Variants in ZNF236 observed in about 807,000 individuals in gnomAD.
ZNF236 encodes the protein zinc finger protein 236.
In ZNF236, 50 loss-of-function variants were observed where a neutral mutation model predicts 191.2. That is an observed-to-expected ratio of 0.26 (90% CI 0.21 to 0.33). ZNF236 has a LOEUF of 0.33. Ranked by LOEUF, ZNF236 falls within the 10% of genes least tolerant of loss-of-function variation. ZNF236 has a pLI of 1.00. For missense variants in ZNF236, 1,754 were observed against 2,374.5 expected, an observed-to-expected ratio of 0.74 and a Z score of 5.43; for synonymous variants, 907 against 928.8, an observed-to-expected ratio of 0.98 and a Z score of 0.43.
At chr18:76,837,641 CA>C (rs1238042220) in intron 1 of ZNF236, among the ~76,000 whole-genome samples, 1 of 151,842 alleles carries the variant, frequency 6.6e-6, no homozygotes, top group Non-Finnish European at 1.5e-5. Context: ...AGGGTTTCAC[CA>C]TGTTGGCCAG....
chr18:76,916,735 G>C (rs878901365), intron 19 of ZNF236, among the ~76,000 whole-genome samples: 1 of 152,208 alleles, frequency 6.6e-6, no homozygotes, highest in Admixed American at 6.5e-5. Context: ...GCTGGTCTGA[G>C]TGTATGTGTT....
At chr18:76,894,346 AGC>A (rs1977337215) in intron 9 of ZNF236, among the ~76,000 whole-genome samples, 3 of 152,218 alleles carry the variant, frequency 2.0e-5, no homozygotes, top group African/African-American at 7.2e-5. Context: ...ACCACTCAGT[AGC>A]TGGCTTGGTT....
Position 76,910,312 on chromosome 18 carries a change from A to AT in ZNF236, c.2653+152dup, listed in dbSNP as rs905867317. The AT allele has an allele frequency of 2.5e-3, 1,667 of 671,022 alleles. 1 individual carries two copies. The highest frequency in any genetic ancestry group is 3.9e-3 in the South Asian group (161 of 41,498). 41.6% of individuals were successfully genotyped at this position (671,022 alleles called of 1,614,324 possible). ...AAATAACTTTTTGCATGCATTGTAG[A>AT]TTTTTTTTTATTGATGCATACTATT... is the stretch of plus-strand genomic sequence containing the variant. On this transcript the variant is annotated intron_variant, in intron 15 of 30. Coordinates refer to ENST00000320610, the MANE Select transcript of ZNF236 (RefSeq NM_001306089.2).
chr18:76,946,594 A>G (rs894466759), intron 26 of ZNF236, among the ~76,000 whole-genome samples: 1 of 152,216 alleles, frequency 6.6e-6, no homozygotes, highest in Non-Finnish European at 1.5e-5. Flanking sequence ...TATGTTTAGA[A>G]TCAGTGCTGA....
intron 3 of ZNF236, among the ~76,000 whole-genome samples, chr18:76,862,198 G>A (rs529698594): frequency 3.3e-5 from 5 of 152,188 alleles, no homozygotes; most frequent in East Asian, 1.9e-4. Flanking sequence ...ACCTGGACAC[G>A]GTTTTGAAGA....
chr18:76,903,757 T>A (rs1268365407), intron 11 of ZNF236, among the ~76,000 whole-genome samples: 3 of 152,092 alleles, frequency 2.0e-5, no homozygotes, highest in African/African-American at 7.2e-5. Flanking sequence ...TATTACATGG[T>A]CAACCTGAAG....
At position 76,851,885 on chromosome 18, in the gene ZNF236, A is replaced by G. The variant is rs762974599; in HGVS notation, c.309A>G (p.Lys103=). 4.3e-6 allele frequency: 7 copies of G among 1,613,902 alleles called. No homozygotes were observed. Among genetic ancestry groups the G allele is most frequent in the Non-Finnish European group, 5.9e-6 (7 of 1,179,902 alleles). ...CTACCTGCCCTGTGTGTAACAAGAAATTCTCCAGAGTGGCTAGTCTCAAAG... is the reference window on the plus strand; with the variant it reads ...CTACCTGCCCTGTGTGTAACAAGAAGTTCTCCAGAGTGGCTAGTCTCAAAG... ...EDPTCPVCNK[K]FSRVASLKAH... The change falls in exon 3 of 31, where the codon AAA becomes AAG. Residue 103 remains lysine, a synonymous_variant. Coordinates refer to ENST00000320610, the MANE Select transcript of ZNF236 (RefSeq NM_001306089.2).
chr18:76,915,498 CTTT>C (rs5826484), intron 18 of ZNF236, 146 bp from the exon 19 acceptor site: 2,211 of 616,368 alleles, frequency 3.6e-3, no homozygotes, highest in South Asian at 8.1e-3. Context: ...TTGTAATTTA[CTTT>C]TTTTTTTTTT....
In ZNF236 at chr18:76,947,559, C is replaced by T; in HGVS notation, c.4821C>T (p.Leu1607=). ...QFPALLTDPS[L]SGQGGAGSPQ... ...CAGCGCTCCTCACGGATCCCTCTCTCTCGGGCCAGGGTGGAGCAGGCTCGC... is the reference window on the plus strand; with the variant it reads ...CAGCGCTCCTCACGGATCCCTCTCTTTCGGGCCAGGGTGGAGCAGGCTCGC... Residue 1607 remains leucine, a synonymous_variant, in exon 27 of 31, where the codon CTC becomes CTT. Coordinates refer to ENST00000320610, the MANE Select transcript of ZNF236 (RefSeq NM_001306089.2). The T allele has an allele frequency of 6.2e-7, 1 of 1,614,096 alleles. No individual in the cohort carries two copies. The highest frequency in any genetic ancestry group is 8.5e-7 in the Non-Finnish European group (1 of 1,180,002).
intron 25 of ZNF236, among the ~76,000 whole-genome samples, chr18:76,929,263 T>C (rs977773575): frequency 2.0e-5 from 3 of 152,210 alleles, no homozygotes; most frequent in African/African-American, 7.2e-5. Context: ...TTAAATGAGA[T>C]GCAGTGGTTT....
chr18:76,861,013 G>A (rs1452527892), intron 3 of ZNF236, among the ~76,000 whole-genome samples: 1 of 152,092 alleles, frequency 6.6e-6, no homozygotes, highest in Non-Finnish European at 1.5e-5. Context: ...TGTGCTGCCG[G>A]AGGAAGGGTT....
chr18:76,960,201 T>A lies in ZNF236; in HGVS notation c.5242+385T>A, dbSNP rs987187771. ...ATCTTCCTCTTCTGTCTTAAAACTTTTTTTCTCTGCTGGCTTTTCCTACAC... is the reference window on the plus strand; with the variant it reads ...ATCTTCCTCTTCTGTCTTAAAACTTATTTTCTCTGCTGGCTTTTCCTACAC... On this transcript the variant is annotated intron_variant, in intron 29 of 30. Transcript: ENST00000320610. This position sits in a 1 kb window ranked among gnomAD's most constrained non-coding sequence, Gnocchi z 4.4. Among the ~76,000 whole-genome samples, 2 of 152,166 alleles carry A rather than the reference T, an allele frequency of 1.3e-5. No individual in the cohort carries two copies. Among genetic ancestry groups the A allele is most frequent in the African/African-American group, 4.8e-5 (2 of 41,424 alleles).
chr18:76,970,346 C>G lies in ZNF236; in HGVS notation c.*2007C>G, dbSNP rs1454424389. The G allele has an allele frequency of 6.6e-6, 1 of 152,576 alleles. No individual in the cohort carries two copies. Among genetic ancestry groups the G allele is most frequent in the African/African-American group, 2.4e-5 (1 of 41,420 alleles). The allele number at this position is 152,576 out of a possible 1,614,324, so 9.5% of individuals were successfully genotyped here. On this transcript the variant is annotated 3_prime_UTR_variant, in exon 31 of 31. Transcript: ENST00000320610. Reference sequence around the variant, plus strand: ...GTTAATTGACTGTTTAAGGCCTTAACAGGTGAATCTAGAGCCTACTTTTAT... The same window carrying G: ...GTTAATTGACTGTTTAAGGCCTTAAGAGGTGAATCTAGAGCCTACTTTTAT...
intron 26 of ZNF236, among the ~76,000 whole-genome samples, chr18:76,946,319 AT>A (rs1274238049): frequency 6.6e-6 from 1 of 152,226 alleles, no homozygotes; most frequent in East Asian, 1.9e-4. Context: ...TTCCACCATG[AT>A]CATGAGGCTT....
chr18:76,843,979 G>T (rs1398254440), intron 1 of ZNF236, among the ~76,000 whole-genome samples: 2 of 150,462 alleles, frequency 1.3e-5, no homozygotes, highest in Non-Finnish European at 3.0e-5. Context: ...GAGGCCGGGT[G>T]CAGTGTCTCA....
chr18:76,872,468 T>A (rs76154240), intron 5 of ZNF236, among the ~76,000 whole-genome samples: 1,843 of 152,304 alleles, frequency 0.012, 27 homozygotes, highest in African/African-American at 0.042. Context: ...GTCCTGACTC[T>A]TAAAAATAAT....
chr18:76,923,950 AT>A (rs2122823165), intron 21 of ZNF236, among the ~76,000 whole-genome samples: 1 of 152,310 alleles, frequency 6.6e-6, no homozygotes, highest in South Asian at 2.1e-4. Context: ...TGTTATAATG[AT>A]TCATAGAATT....
chr18:76,971,368 C>G lies in ZNF236; in HGVS notation c.*3029C>G, dbSNP rs958691459. On this transcript the variant is annotated 3_prime_UTR_variant, in exon 31 of 31. Coordinates refer to ENST00000320610, the MANE Select transcript of ZNF236 (RefSeq NM_001306089.2). ...TAGAGGAAATGCTATGACATGGCAT[C>G]TGACAGCTTGCAGCCAGGTCAGTGG... Among the ~76,000 whole-genome samples, 3 of 152,214 alleles carry G rather than the reference C, an allele frequency of 2.0e-5. No individual in the cohort carries two copies. Among genetic ancestry groups the G allele is most frequent in the Non-Finnish European group, 4.4e-5 (3 of 68,034 alleles).
chr18:76,925,661 T>C lies in ZNF236; in HGVS notation c.4027+107T>C, dbSNP rs146565990. ...AGATGTTGTTTACCGTAGCACCACG[T>C]TTCCCTTCTTTGAGCCTTTTCCTTA... On this transcript the variant is annotated intron_variant, in intron 22 of 30. Coordinates refer to ENST00000320610, the MANE Select transcript of ZNF236 (RefSeq NM_001306089.2). This position sits in a 1 kb window ranked among gnomAD's most constrained non-coding sequence, Gnocchi z 5.7. 1 of 1,418,846 alleles carries C rather than the reference T, an allele frequency of 7.0e-7. No homozygotes were observed. Among genetic ancestry groups the C allele is most frequent in the Admixed American group, 2.6e-5 (1 of 38,610 alleles). The allele number at this position is 1,418,846 out of a possible 1,614,324, so 87.9% of individuals were successfully genotyped here. A position where few individuals can be genotyped will look rare whatever the true frequency, so the allele number is the denominator to read the frequency against.
Sources: allele counts gnomAD v4.1 joint callset (sites outside exome capture counted in the v4.1 genomes callset), GRCh38; gene constraint gnomAD v4.1.1; non-coding constraint Gnocchi (gnomAD v3.1); transcripts MANE v1.5; gene names NCBI Gene and HGNC (gene_info 2026-07-23, HGNC 2026-07-21).